FILIP1: variants seen among roughly 807,000 people sequenced by gnomAD.
The protein encoded by FILIP1 is filamin-A-interacting protein 1.
In FILIP1, 61 loss-of-function variants were observed where a neutral mutation model predicts 102.1. The observed-to-expected ratio is 0.60, with a 90% CI of 0.49 to 0.74. The LOEUF (loss-of-function observed/expected upper bound fraction) is 0.74. FILIP1 is among the 30% of genes least tolerant of loss of function. The probability of loss-of-function intolerance (pLI) is 0.00; values close to 1 mark genes in which losing one functional copy is unlikely to be tolerated. For missense variants in FILIP1, 1,314 were observed against 1,441.2 expected, an observed-to-expected ratio of 0.91 and a Z score of 1.43; for synonymous variants, 491 against 526.9, an observed-to-expected ratio of 0.93 and a Z score of 0.93.
At chr6:75,396,068 C>T (rs1054190398) in intron 2 of FILIP1, among the ~76,000 whole-genome samples, 8 of 150,240 alleles carry the variant, frequency 5.3e-5, no homozygotes, top group African/African-American at 2.0e-4. Context: ...TCTTTAAAAT[C>T]ATTTCCATAA....
intron 1 of FILIP1, among the ~76,000 whole-genome samples, chr6:75,426,827 C>T (rs1334418216): frequency 6.6e-6 from 1 of 152,064 alleles, no homozygotes; most frequent in Non-Finnish European, 1.5e-5. Context: ...TTACACAGGG[C>T]CCTGCACTCA....
chr6:75,408,442 G>A (rs1273068412), intron 2 of FILIP1, among the ~76,000 whole-genome samples: 2 of 152,174 alleles, frequency 1.3e-5, no homozygotes, highest in East Asian at 1.9e-4. Flanking sequence ...TACCTGGACT[G>A]GCAAACAAAA....
intron 1 of FILIP1, among the ~76,000 whole-genome samples, chr6:75,488,951 A>C (rs1198209446): frequency 6.6e-6 from 1 of 152,170 alleles, no homozygotes; most frequent in Non-Finnish European, 1.5e-5. Context: ...CCATTTAGTA[A>C]AGTTAAAGTT....
At chr6:75,460,356 C>A (rs1039295457) in intron 1 of FILIP1, among the ~76,000 whole-genome samples, 1 of 152,160 alleles carries the variant, frequency 6.6e-6, no homozygotes, top group Non-Finnish European at 1.5e-5. Flanking sequence ...TAAAGGTATT[C>A]GGCTCTTAAT....
In FILIP1 at chr6:75,314,660, T is replaced by C; in HGVS notation, c.1172A>G (p.Glu391Gly). ...ENLRKRVLEM[E>G]GKDEEITKTE... is the part of the protein sequence containing the mutation. ...TTTAGTGATCTCCTCATCTTTACCT[T>C]CCATTTCAAGCACACGCTTTCGAAG... Residue 391 changes from glutamate (E) to glycine (G), a missense_variant, in exon 5 of 6, where the codon GAA becomes GGA. By Grantham distance (98) the Glu-to-Gly change is moderately conservative. Around this residue, in one of 3 missense-constraint regions of FILIP1, gnomAD observed 494 missense variants for 511.2 expected, o/e 0.97. Coordinates refer to ENST00000237172, the MANE Select transcript of FILIP1 (RefSeq NM_015687.5). The C allele has an allele frequency of 6.2e-7, 1 of 1,613,692 alleles. No homozygotes were observed. The highest frequency in any genetic ancestry group is 8.5e-7 in the Non-Finnish European group (1 of 1,179,936).
rs117769457 is a variant in FILIP1, at chr6:75,322,899, G to A, written c.630-7697C>T. Among the ~76,000 whole-genome samples the A allele has an allele frequency of 3.6e-3, 550 of 152,166 alleles. 2 individuals carry two copies. The highest frequency in any genetic ancestry group is 6.8e-3 in the Middle Eastern group (2 of 294). On this transcript the variant is annotated intron_variant, in intron 4 of 5. Coordinates refer to ENST00000237172, the MANE Select transcript of FILIP1 (RefSeq NM_015687.5). ...AGTAGAGACGGGGTTTTACCATCTC[G>A]GCCAGGCTGGTCTAAAACTCCTGAC...
chr6:75,310,918 T>C (rs1773160952), intron 5 of FILIP1, among the ~76,000 whole-genome samples: 1 of 152,214 alleles, frequency 6.6e-6, no homozygotes, highest in South Asian at 2.1e-4. Context: ...TGTTTGTGCA[T>C]AGAAAATTAA....
At chr6:75,301,786 G>A (rs1032041733) in intron 6 of FILIP1, among the ~76,000 whole-genome samples, 2 of 152,146 alleles carry the variant, frequency 1.3e-5, no homozygotes, top group African/African-American at 4.8e-5. Context: ...ACAACCTTTT[G>A]GTGGTAGAAA....
chr6:75,409,389 T>A (rs1776978455), intron 2 of FILIP1, among the ~76,000 whole-genome samples: 2 of 152,132 alleles, frequency 1.3e-5, no homozygotes, highest in South Asian at 4.1e-4. Context: ...TTTGCAAAGA[T>A]TATGACAGTG....
chr6:75,308,862 G>C lies in FILIP1; in HGVS notation c.3471C>G (p.Pro1157=), dbSNP rs751957238. 3 of 1,614,134 alleles carry C rather than the reference G, an allele frequency of 1.9e-6. No individual in the cohort carries two copies. The highest frequency in any genetic ancestry group is 2.5e-6 in the Non-Finnish European group (3 of 1,180,012). ...TACCTTTTGACATAGGAATGCGGGT[G>C]GGTGTAGGCCGCTGGGATGACCCGT... is the stretch of plus-strand genomic sequence containing the variant. ...GQDGSSQRPT[P]TRIPMSKGMK... is the part of the protein sequence containing the mutation. Residue 1157 remains proline (P), a synonymous_variant, in exon 6 of 6, where the codon CCC becomes CCG. Coordinates refer to ENST00000237172, the MANE Select transcript of FILIP1 (RefSeq NM_015687.5).
chr6:75,491,833 A>G (rs1473449531), intron 1 of FILIP1, among the ~76,000 whole-genome samples: 1 of 152,216 alleles, frequency 6.6e-6, no homozygotes, highest in African/African-American at 2.4e-5. Flanking sequence ...ATCAGCAAAC[A>G]TGACTTTTAC....
At chr6:75,299,275 T>A (rs568968545) in intron 6 of FILIP1, among the ~76,000 whole-genome samples, 2 of 152,282 alleles carry the variant, frequency 1.3e-5, no homozygotes, top group South Asian at 4.1e-4. Context: ...AAATCAGGTA[T>A]AATTTTTCAT....
intron 4 of FILIP1, among the ~76,000 whole-genome samples, chr6:75,329,421 ACCCCGTTTT>A (rs1161386595): frequency 6.6e-6 from 1 of 151,930 alleles, no homozygotes; most frequent in East Asian, 1.9e-4. Context: ...AATCCATCGG[ACCCCGTTTT>A]GCAACACAAA....
intron 1 of FILIP1, among the ~76,000 whole-genome samples, chr6:75,468,520 G>C (rs996941112): frequency 1.3e-5 from 2 of 152,100 alleles, no homozygotes; most frequent in African/African-American, 4.8e-5. Context: ...AATGAGAATG[G>C]ACACAAAGAA....
At chr6:75,415,933 G>A (rs1777252307) in intron 1 of FILIP1, among the ~76,000 whole-genome samples, 1 of 152,200 alleles carries the variant, frequency 6.6e-6, no homozygotes, top group Admixed American at 6.6e-5. Context: ...CGAACTCACA[G>A]GCTAGGTCTC....
At chr6:75,406,682 C>T (rs566165587) in intron 2 of FILIP1, among the ~76,000 whole-genome samples, 17 of 127,910 alleles carry the variant, frequency 1.3e-4, no homozygotes, top group South Asian at 5.0e-4. Flanking sequence ...TTTTTTCAGA[C>T]GGAGTCTTGT....
At chr6:75,462,877 C>T (rs187570687) in intron 1 of FILIP1, among the ~76,000 whole-genome samples, 1 of 152,170 alleles carries the variant, frequency 6.6e-6, no homozygotes, top group African/African-American at 2.4e-5. Context: ...TCCCTCATAA[C>T]CACAGTGGCC....
intron 3 of FILIP1, chr6:75,360,620 G>A (rs573234135): frequency 5.9e-5 from 9 of 152,296 alleles, no homozygotes; most frequent in African/African-American, 2.2e-4. Flanking sequence ...TTTAATTTAC[G>A]AAGAAGGGCA....
rs201382473 is a variant in FILIP1 at position 75,362,964 on chromosome 6, G to A, written c.277-47C>T. Reference sequence around the variant, plus strand: ...GATCAGACGACTGACAATGTAAATCGCATACTGGGCTCAAAAAATCAACAG... The same window carrying A: ...GATCAGACGACTGACAATGTAAATCACATACTGGGCTCAAAAAATCAACAG... On this transcript the variant is annotated intron_variant, in intron 2 of 5. Transcript: ENST00000237172. The A allele has an allele frequency of 3.1e-5, 49 of 1,567,470 alleles. No individual in the cohort carries two copies. The African/African-American group carries it at 4.9e-4, about 16-fold the overall frequency.
Sources: gnomAD v4.1 joint callset for allele counts (sites outside exome capture counted in the v4.1 genomes callset) on GRCh38, gnomAD v4.1.1 for gene constraint, gnomAD v4.1.1 regional missense constraint, MANE v1.5 for transcripts, NCBI Gene and HGNC (gene_info 2026-07-23, HGNC 2026-07-21) for gene names.